Variants in HHAT observed in about 807,000 individuals in gnomAD.
HHAT encodes the protein protein-cysteine N-palmitoyltransferase HHAT.
In HHAT, 47 loss-of-function variants were observed where a neutral mutation model predicts 70.8. The observed-to-expected ratio is 0.66, with a 90% CI of 0.53 to 0.85. HHAT has a LOEUF of 0.85. Ranked by LOEUF, HHAT falls within the 40% of genes least tolerant of loss-of-function variation. The pLI, the probability that HHAT is intolerant of heterozygous loss-of-function variation, is 0.00. For missense variants in HHAT, 609 were observed against 604.8 expected (o/e 1.01, Z -0.07); for synonymous variants, 228 against 247.6 (o/e 0.92, Z 0.74).
chr1:210,515,316 G>A (rs2095035482), intron 9 of HHAT, among the ~76,000 whole-genome samples: 1 of 152,154 alleles, frequency 6.6e-6, no homozygotes, highest in Non-Finnish European at 1.5e-5. Flanking sequence ...TGACTCCAAG[G>A]AGTCCCTTCA....
At chr1:210,657,485 CTCA>C (rs1436909519) in intron 11 of HHAT, among the ~76,000 whole-genome samples, 1 of 152,204 alleles carries the variant, frequency 6.6e-6, no homozygotes, top group Non-Finnish European at 1.5e-5. Flanking sequence ...GCAATCCTAG[CTCA>C]TCATCGCTTC....
At chr1:210,549,125 A>ATTATTCAAGATAAAACTTT (rs879475456) in intron 9 of HHAT, among the ~76,000 whole-genome samples, 2 of 132,454 alleles carry the variant, frequency 1.5e-5, no homozygotes, top group East Asian at 4.0e-4. Context: ...AAATTGGGAT[A>ATTATTCAAGATAAAACTTT]ATAACGGCAT....
At chr1:210,521,004 C>T (rs1191298848) in intron 9 of HHAT, among the ~76,000 whole-genome samples, 1 of 152,160 alleles carries the variant, frequency 6.6e-6, no homozygotes. Context: ...TAGAACAAGG[C>T]AGTGAACCTC....
At chr1:210,375,562 A>G (rs1271114971) in intron 3 of HHAT, among the ~76,000 whole-genome samples, 3 of 149,380 alleles carry the variant, frequency 2.0e-5, no homozygotes, top group East Asian at 1.9e-4. Context: ...CTAGCAATCC[A>G]TTCTGCCAAG....
chr1:210,436,716 C>G (rs927645434), intron 7 of HHAT, among the ~76,000 whole-genome samples: 2 of 151,768 alleles, frequency 1.3e-5, no homozygotes, highest in Non-Finnish European at 2.9e-5. Flanking sequence ...CATGGCAATA[C>G]TAGGTGATAC....
chr1:210,440,076 C>T (rs564896004), intron 7 of HHAT, among the ~76,000 whole-genome samples: 1 of 151,878 alleles, frequency 6.6e-6, no homozygotes, highest in East Asian at 1.9e-4. Context: ...GGTTTCAGTC[C>T]ATACCCTAAG....
intron 3 of HHAT, among the ~76,000 whole-genome samples, chr1:210,365,211 A>G (rs1270919203): frequency 6.6e-6 from 1 of 152,122 alleles, no homozygotes; most frequent in African/African-American, 2.4e-5. Flanking sequence ...AGATGTGACT[A>G]GAAATCATGA....
chr1:210,584,004 G>A (rs1447222229), intron 9 of HHAT, among the ~76,000 whole-genome samples: 1 of 138,816 alleles, frequency 7.2e-6, no homozygotes, highest in Non-Finnish European at 1.5e-5. Flanking sequence ...CCAGGCTGGA[G>A]GGCAGTGGTA....
At chr1:210,578,851 T>C (rs1658518418) in intron 9 of HHAT, among the ~76,000 whole-genome samples, 1 of 152,184 alleles carries the variant, frequency 6.6e-6, no homozygotes, top group Admixed American at 6.5e-5. Context: ...AAACTCCACA[T>C]GTATGTAGAT....
At chr1:210,373,975 G>T (rs1158588445) in intron 3 of HHAT, among the ~76,000 whole-genome samples, 1 of 151,998 alleles carries the variant, frequency 6.6e-6, no homozygotes, top group East Asian at 1.9e-4. Context: ...ATGTCACCAG[G>T]GAAAGTTACA....
intron 10 of HHAT, among the ~76,000 whole-genome samples, chr1:210,591,870 A>T (rs1661791198): frequency 6.6e-6 from 1 of 152,102 alleles, no homozygotes; most frequent in South Asian, 2.1e-4. Context: ...CCATTTCTTA[A>T]TCAGATTATT....
chr1:210,628,491 T>A (rs994753409), intron 11 of HHAT, among the ~76,000 whole-genome samples: 1 of 152,120 alleles, frequency 6.6e-6, no homozygotes. Context: ...TGTACACACA[T>A]GCACACGTAC....
chr1:210,539,002 G>T (rs560500554), intron 9 of HHAT, among the ~76,000 whole-genome samples: 111 of 152,248 alleles, frequency 7.3e-4, no homozygotes, highest in African/African-American at 2.5e-3. Flanking sequence ...GCTTGAACCT[G>T]GGAGGCAGAG....
chr1:210,501,673 T>C (rs779942136), intron 8 of HHAT, among the ~76,000 whole-genome samples: 41 of 152,228 alleles, frequency 2.7e-4, no homozygotes, highest in Non-Finnish European at 5.4e-4. Flanking sequence ...TCTTTCTTTT[T>C]TCCCTTCAGT....
chr1:210,588,244 C>T (rs781750275), intron 10 of HHAT, 145 bp downstream of exon 10: 14 of 644,818 alleles, frequency 2.2e-5, no homozygotes, highest in Non-Finnish European at 3.2e-5. Flanking sequence ...AGAGGCAAGA[C>T]AGCTGGAAAA....
At chr1:210,575,957 A>ATC (rs1657626553) in intron 9 of HHAT, among the ~76,000 whole-genome samples, 1 of 152,178 alleles carries the variant, frequency 6.6e-6, no homozygotes, top group Non-Finnish European at 1.5e-5. Context: ...TGTTGGAGAT[A>ATC]GACAGAAGTG....
chr1:210,341,290 G>T (rs1259745204), intron 1 of HHAT, among the ~76,000 whole-genome samples: 2 of 152,176 alleles, frequency 1.3e-5, no homozygotes, highest in Non-Finnish European at 2.9e-5. Flanking sequence ...TTGATATCAA[G>T]ATTTAAAAGC....
At chr1:210,561,666 T>C (rs1337477294) in intron 9 of HHAT, among the ~76,000 whole-genome samples, 1 of 152,260 alleles carries the variant, frequency 6.6e-6, no homozygotes, top group Non-Finnish European at 1.5e-5. Flanking sequence ...AATTGACAAA[T>C]AATAATTGTA....
chr1:210,522,650 T>C (rs2095176690), intron 9 of HHAT, among the ~76,000 whole-genome samples: 1 of 152,218 alleles, frequency 6.6e-6, no homozygotes, highest in East Asian at 1.9e-4. Flanking sequence ...CACCGTTGTC[T>C]GTGAACTGGG....
Sources: allele counts gnomAD v4.1 joint callset (sites outside exome capture counted in the v4.1 genomes callset), GRCh38; gene constraint gnomAD v4.1.1; transcripts MANE v1.5; gene names NCBI Gene and HGNC (gene_info 2026-07-23, HGNC 2026-07-21).